Variants in KIF11 observed in about 807,000 individuals in gnomAD.
KIF11 encodes kinesin family member 11.
In KIF11, 9 loss-of-function variants were observed where a neutral mutation model predicts 121.0. That is an observed-to-expected ratio of 0.07 (90% CI 0.04 to 0.13). KIF11 has a LOEUF of 0.13. KIF11 is among the 10% of genes least tolerant of loss of function. The pLI is 1.00. For synonymous variants in KIF11, 408 were observed against 421.0 expected (o/e 0.97, Z 0.38); for missense variants, 846 against 1,217.5 (o/e 0.69, Z 4.54).
intron 1 of KIF11, among the ~76,000 whole-genome samples, chr10:92,602,825 C>CGT (rs3980475): frequency 0.2 from 23,968 of 122,086 alleles, 2,562 homozygotes; most frequent in East Asian, 0.51. Flanking sequence ...CACACACACA[C>CGT]GTGTGTGTGT....
At chr10:92,629,470 C>T (rs1362501938) in intron 11 of KIF11, among the ~76,000 whole-genome samples, 1 of 152,014 alleles carries the variant, frequency 6.6e-6, no homozygotes, top group Non-Finnish European at 1.5e-5. Flanking sequence ...ATAGTGAATG[C>T]TGAAGCAGTT....
intron 9 of KIF11, among the ~76,000 whole-genome samples, chr10:92,618,291 TTA>T (rs1239655688): frequency 6.1e-5 from 8 of 131,606 alleles, no homozygotes; most frequent in South Asian, 2.5e-4. Flanking sequence ...TTTTTTTTTT[TTA>T]AATAAAGTTT....
Position 92,614,021 on chromosome 10 carries a change from TACACACACACACACACACAC to T in KIF11, c.1032+428_1032+447del, listed in dbSNP as rs71028831. 7.8e-3 allele frequency among the ~76,000 whole-genome samples: 989 copies of T among 127,060 alleles called. 12 individuals carry two copies. Among genetic ancestry groups the T allele is most frequent in the South Asian group, 0.018 (76 of 4,268 alleles). The allele number at this position is 127,060 out of a possible 152,430, so 83.4% of individuals were successfully genotyped here. ...ATAAAAAAAAAGAAAAGTATGTGTA[TACACACACACACACACACAC>T]ACACACACACACACACACACACACA... On this transcript the variant is annotated intron_variant, in intron 8 of 21. Transcript: ENST00000260731.
intron 6 of KIF11, among the ~76,000 whole-genome samples, chr10:92,609,900 C>A (rs190011630): frequency 9.2e-5 from 14 of 152,190 alleles, no homozygotes; most frequent in Admixed American, 9.2e-4. Flanking sequence ...CTACGCCCAG[C>A]TAATTTTTGT....
At chr10:92,632,797 C>T (rs1378974799) in intron 13 of KIF11, 104 bp downstream of exon 13, 1 of 589,178 alleles carries the variant, frequency 1.7e-6, no homozygotes, top group Non-Finnish European at 2.9e-6. Flanking sequence ...CCAATACTCT[C>T]TACCATGCAC....
At chr10:92,653,612 G>A in intron 21 of KIF11, 53 bp from the exon 22 acceptor site, 3 of 1,516,562 alleles carry the variant, frequency 2.0e-6, no homozygotes, top group South Asian at 2.4e-5. Flanking sequence ...TGTAGTTAAT[G>A]TGTATCTAAT....
chr10:92,612,067 T>G (rs566457657), intron 6 of KIF11, among the ~76,000 whole-genome samples: 4 of 145,854 alleles, frequency 2.7e-5, no homozygotes, highest in South Asian at 2.1e-4. Flanking sequence ...TGTATAATTT[T>G]TTTTCCCCCT....
chr10:92,651,709 A>G (rs1303014115), intron 21 of KIF11, among the ~76,000 whole-genome samples: 1 of 151,388 alleles, frequency 6.6e-6, no homozygotes, highest in Non-Finnish European at 1.5e-5. Flanking sequence ...TAGTTGGTTT[A>G]TGATTCATCT....
chr10:92,608,229 A>C (rs1404366290), intron 4 of KIF11, among the ~76,000 whole-genome samples: 1 of 150,526 alleles, frequency 6.6e-6, no homozygotes, highest in Non-Finnish European at 1.5e-5. Flanking sequence ...CTCCCACTTC[A>C]GCCTCCTGAG....
intron 8 of KIF11, among the ~76,000 whole-genome samples, chr10:92,615,460 ATCTT>A (rs139133097): frequency 0.011 from 1,717 of 152,138 alleles, 16 homozygotes; most frequent in Middle Eastern, 0.037. Flanking sequence ...TTAAAAAAAA[ATCTT>A]TGTTGAGATT....
intron 6 of KIF11, among the ~76,000 whole-genome samples, chr10:92,610,518 T>A (rs1241721371): frequency 1.3e-5 from 2 of 152,192 alleles, no homozygotes; most frequent in Non-Finnish European, 1.5e-5. Context: ...AGATATAGTT[T>A]ACTAAAACAG....
In KIF11 at chr10:92,595,885, G is replaced by A. The variant is rs183770256; in HGVS notation, c.77+2433G>A. Among the ~76,000 whole-genome samples the A allele has an allele frequency of 2.6e-5, 4 of 152,288 alleles. No individual in the cohort carries two copies. In the East Asian group the frequency reaches 7.7e-4, roughly 29 times the overall value. ...CATAATGTCCTCCAGGTTGGACCATGTTGTAGCAAATGTCAGGGTTTTCTT... is the reference window on the plus strand; with the variant it reads ...CATAATGTCCTCCAGGTTGGACCATATTGTAGCAAATGTCAGGGTTTTCTT... On this transcript the variant is annotated intron_variant, in intron 1 of 21. Transcript: ENST00000260731.
At position 92,622,634 on chromosome 10, in the gene KIF11, A is replaced by C. The variant is rs908038037; in HGVS notation, c.1217+1161A>C. On this transcript the variant is annotated intron_variant, in intron 10 of 21. Transcript: ENST00000260731. ...TCATCTCAAAAAAGAAAAAGGAAAA[A>C]ATAATAATAAAATAAATAAAAAATA... Among the ~76,000 whole-genome samples, 6 of 152,110 alleles carry C rather than the reference A, an allele frequency of 3.9e-5. No individual in the cohort carries two copies. The East Asian group carries it at 9.7e-4, about 24-fold the overall frequency.
At chr10:92,616,935 C>A in intron 9 of KIF11, 103 bp downstream of exon 9, 1 of 631,044 alleles carries the variant, frequency 1.6e-6, no homozygotes, top group Non-Finnish European at 2.7e-6. Context: ...TTAAATTGCC[C>A]ATGGAAGGCT....
rs552627149 is a variant in KIF11, at chr10:92,624,979, A to G, written c.1217+3506A>G. 1.1e-4 allele frequency among the ~76,000 whole-genome samples: 16 copies of G among 152,164 alleles called. No homozygotes were observed. The South Asian group carries it at 3.3e-3, about 32-fold the overall frequency. On this transcript the variant is annotated intron_variant, in intron 10 of 21. Transcript: ENST00000260731. ...GAGATGGGGTTTCACCATGTTGGCC[A>G]GGCTGGTCTCGAACTCCTGACCTCA... is the stretch of plus-strand genomic sequence containing the variant.
chr10:92,616,089 G>A lies in KIF11; in HGVS notation c.1033-648G>A, dbSNP rs759981216. Among the ~76,000 whole-genome samples the A allele has an allele frequency of 4.6e-5, 7 of 151,912 alleles. No homozygotes were observed. The East Asian group carries it at 7.8e-4, about 17-fold the overall frequency. ...CTTGACCTCATGATTCACCCGCCCC[G>A]GCCTTCCAAAGTGCTGGGATTACAG... On this transcript the variant is annotated intron_variant, in intron 8 of 21. Transcript: ENST00000260731.
intron 6 of KIF11, among the ~76,000 whole-genome samples, chr10:92,610,692 C>A (rs987552515): frequency 6.6e-6 from 1 of 152,098 alleles, no homozygotes; most frequent in African/African-American, 2.4e-5. Context: ...TTTCTCTGAG[C>A]TACAAAATTA....
chr10:92,647,806 TA>T (rs1327784694), intron 18 of KIF11, among the ~76,000 whole-genome samples: 1 of 152,126 alleles, frequency 6.6e-6, no homozygotes. Flanking sequence ...TCTACTTTTG[TA>T]TGTGTTTTTA....
chr10:92,646,688 G>T (rs913313448), intron 18 of KIF11, among the ~76,000 whole-genome samples: 4 of 152,082 alleles, frequency 2.6e-5, no homozygotes, highest in African/African-American at 9.7e-5. Flanking sequence ...AAGAATAATG[G>T]CCATAATGGA....
Sources: gnomAD v4.1 joint callset for allele counts (sites outside exome capture counted in the v4.1 genomes callset) on GRCh38, gnomAD v4.1.1 for gene constraint, MANE v1.5 for transcripts, NCBI Gene and HGNC (gene_info 2026-07-23, HGNC 2026-07-21) for gene names.